Variants in TBL1X observed in about 807,000 individuals in gnomAD.
The protein encoded by TBL1X is F-box-like/WD repeat-containing protein TBL1X.
A neutral mutation model predicts 50.7 loss-of-function variants in TBL1X; 10 were observed. The ratio of observed to expected loss-of-function variants is 0.20; its 90% CI spans 0.12 to 0.33. The LOEUF is 0.33. TBL1X is among the 10% of genes least tolerant of loss of function. The pLI, the probability that TBL1X is intolerant of heterozygous loss-of-function variation, is 1.00. For missense variants in TBL1X, 340 were observed against 504.4 expected (o/e 0.67, Z 3.12); for synonymous variants, 190 against 214.7 (o/e 0.88, Z 1.01).
chrX:9,657,185 G>A (rs1434915549), intron 5 of TBL1X, among the ~76,000 whole-genome samples: 3 of 112,033 alleles, frequency 2.7e-5, no homozygotes, highest in African/African-American at 9.7e-5. Flanking sequence ...CAGGAAGCGG[G>A]TGGGGGTGGG....
At chrX:9,678,240 A>G (rs1326188275) in intron 5 of TBL1X, among the ~76,000 whole-genome samples, 3 of 112,091 alleles carry the variant, frequency 2.7e-5, no homozygotes, top group Non-Finnish European at 5.6e-5. Context: ...AGTCAACTGT[A>G]TATAAAATCA....
chrX:9,643,954 G>A (rs1013011352), intron 3 of TBL1X, among the ~76,000 whole-genome samples: 3 of 111,893 alleles, frequency 2.7e-5, no homozygotes, highest in Non-Finnish European at 5.6e-5. Flanking sequence ...CGAACTGTAG[G>A]GTACGCTTCA....
intron 2 of TBL1X, among the ~76,000 whole-genome samples, chrX:9,597,040 T>C (rs145260542): frequency 0.015 from 1,653 of 111,248 alleles, 33 homozygotes; most frequent in South Asian, 0.054. Flanking sequence ...TGTGCTGAGG[T>C]CATGAATATT....
In TBL1X at chrX:9,476,230, G is replaced by A. The variant is rs141037445; in HGVS notation, c.-201+10783G>A. On this transcript the variant is annotated intron_variant, in intron 1 of 17. Coordinates refer to ENST00000645353, the MANE Select transcript of TBL1X (RefSeq NM_005647.4). ...TTAGGCCCCAGTAAGAAATTTAGTT[G>A]TAATGAACCATAAAGCAGATGCAGA... Among the ~76,000 whole-genome samples, 85 of 112,189 alleles carry A rather than the reference G, an allele frequency of 7.6e-4. 1 individual carries two copies. In the East Asian group the frequency reaches 0.022, roughly 28 times the overall value.
chrX:9,715,066 C>T, intron 17 of TBL1X, 63 bp downstream of exon 17: 1 of 1,051,591 alleles, frequency 9.5e-7, no homozygotes. Context: ...CCTAAGTGAG[C>T]TTCCAGGGCG....
At position 9,542,648 on chromosome X, in the gene TBL1X, G is replaced by A. The variant is rs181484767; in HGVS notation, c.-131+40799G>A. Among the ~76,000 whole-genome samples, 935 of 110,813 alleles carry A rather than the reference G, an allele frequency of 8.4e-3. 12 individuals carry two copies. Among genetic ancestry groups the A allele is most frequent in the East Asian group, 0.065 (229 of 3,523 alleles). ...TCGCAGCATGGTAACTTCTCTCAGC[G>A]CTGTTTGTAAAGCAGAATGGGAGAG... On this transcript the variant is annotated intron_variant, in intron 2 of 17. Transcript: ENST00000645353.
At chrX:9,468,918 A>G (rs376134440) in intron 1 of TBL1X, among the ~76,000 whole-genome samples, 35 of 110,805 alleles carry the variant, frequency 3.2e-4, no homozygotes, top group Admixed American at 2.6e-3. Context: ...GGCTTAAGCA[A>G]TTCTCCTGCC....
At chrX:9,497,664 C>A (rs2081977799) in intron 1 of TBL1X, among the ~76,000 whole-genome samples, 1 of 109,528 alleles carries the variant, frequency 9.1e-6, no homozygotes, top group African/African-American at 3.3e-5. Context: ...AAACAGTGTG[C>A]TTCCATTTAG....
intron 17 of TBL1X, among the ~76,000 whole-genome samples, chrX:9,715,358 T>C (rs1279711921): frequency 8.9e-6 from 1 of 111,806 alleles, no homozygotes; most frequent in Non-Finnish European, 1.9e-5. Flanking sequence ...TTAGGCACTT[T>C]TATCTTTGTC....
At chrX:9,562,286 T>G (rs2082328292) in intron 2 of TBL1X, among the ~76,000 whole-genome samples, 1 of 112,547 alleles carries the variant, frequency 8.9e-6, no homozygotes, top group Non-Finnish European at 1.9e-5. Flanking sequence ...TGTGATTCTT[T>G]TTCTTTCTCT....
At chrX:9,660,915 G>T (rs189762242) in intron 5 of TBL1X, among the ~76,000 whole-genome samples, 39 of 112,382 alleles carry the variant, frequency 3.5e-4, no homozygotes, top group African/African-American at 1.2e-3. Flanking sequence ...ATTTGGGGGT[G>T]GGGCCTTTAG....
At chrX:9,589,783 A>G (rs1372791283) in intron 2 of TBL1X, among the ~76,000 whole-genome samples, 1 of 111,760 alleles carries the variant, frequency 8.9e-6, no homozygotes, top group Non-Finnish European at 1.9e-5. Flanking sequence ...ATCATTACCT[A>G]TTACTAGCAT....
chrX:9,561,459 G>A (rs973973735), intron 2 of TBL1X, among the ~76,000 whole-genome samples: 2 of 111,387 alleles, frequency 1.8e-5, no homozygotes, highest in Non-Finnish European at 3.8e-5. Flanking sequence ...AGACAGGAGC[G>A]TTGAAGTCTG....
Position 9,522,363 on chromosome X carries a change from A to G in TBL1X, c.-131+20514A>G, listed in dbSNP as rs111606995. On this transcript the variant is annotated intron_variant, in intron 2 of 17. Coordinates refer to ENST00000645353, the MANE Select transcript of TBL1X (RefSeq NM_005647.4). ...CTCCATATGGGGAGGTGTCTTGGACAGAGCAGGTTAGCCCGTGAGACTCTC... is the reference window on the plus strand; with the variant it reads ...CTCCATATGGGGAGGTGTCTTGGACGGAGCAGGTTAGCCCGTGAGACTCTC... 6.3e-3 allele frequency among the ~76,000 whole-genome samples: 702 copies of G among 111,610 alleles called. 4 individuals are homozygous for G. The highest frequency in any genetic ancestry group is 0.022 in the African/African-American group (676 of 30,709).
chrX:9,687,998 CCTT>C lies in TBL1X; in HGVS notation c.358-18_358-16del. The C allele has an allele frequency of 8.4e-7, 1 of 1,196,336 alleles. No homozygotes were observed. The highest frequency in any genetic ancestry group is 1.1e-6 in the Non-Finnish European group (1 of 887,275). On this transcript the variant is annotated splice_polypyrimidine_tract_variant and intron_variant, in intron 6 of 17. Transcript: ENST00000645353. ...TCACCCCCGTGAGCTGACAGCTGTA[CCTT>C]GGCTTGCTTCCCCAGGATGGCACAG...
chrX:9,474,626 G>A (rs1393341195), intron 1 of TBL1X, among the ~76,000 whole-genome samples: 15 of 113,096 alleles, frequency 1.3e-4, no homozygotes. Flanking sequence ...GTACCTGTTT[G>A]CAGGTCCACA....
chrX:9,618,956 A>G (rs899589190), intron 2 of TBL1X, among the ~76,000 whole-genome samples: 1 of 111,604 alleles, frequency 9.0e-6, no homozygotes, highest in Non-Finnish European at 1.9e-5. Context: ...GCTGAATTTC[A>G]TGAAGGGTCT....
chrX:9,689,930 A>G (rs2083086787), intron 7 of TBL1X, among the ~76,000 whole-genome samples: 1 of 112,590 alleles, frequency 8.9e-6, no homozygotes. Context: ...CAGGACCACC[A>G]GGCGTTTTCT....
chrX:9,572,321 T>C (rs1354389827), intron 2 of TBL1X, among the ~76,000 whole-genome samples: 1 of 112,831 alleles, frequency 8.9e-6, no homozygotes, highest in Non-Finnish European at 1.9e-5. Context: ...TGGGGTCTCT[T>C]CTGCTAGCTT....
Sources: gnomAD v4.1 joint callset for allele counts (sites outside exome capture counted in the v4.1 genomes callset) on GRCh38, gnomAD v4.1.1 for gene constraint, MANE v1.5 for transcripts, NCBI Gene and HGNC (gene_info 2026-07-23, HGNC 2026-07-21) for gene names.